TMEM232: variants seen among roughly 807,000 people sequenced by gnomAD.
TMEM232 encodes transmembrane protein 232.
A neutral mutation model predicts 78.8 loss-of-function variants in TMEM232; 80 were observed. The observed-to-expected ratio is 1.01, with a 90% CI of 0.85 to 1.22. TMEM232 has a LOEUF of 1.22. Among genes scored for constraint, TMEM232 ranks in the 50% most tolerant of loss-of-function variants. The pLI, the probability that TMEM232 is intolerant of heterozygous loss-of-function variation, is 0.00. For missense variants in TMEM232, 881 were observed against 742.2 expected, an observed-to-expected ratio of 1.19 and a Z score of -2.17; for synonymous variants, 297 against 254.3, an observed-to-expected ratio of 1.17 and a Z score of -1.60.
At chr5:110,602,483 TATGAACAGACACTA>T (rs1781038365) in intron 10 of TMEM232, among the ~76,000 whole-genome samples, 1 of 151,398 alleles carries the variant, frequency 6.6e-6, no homozygotes, top group East Asian at 1.9e-4. Context: ...GGGCAAAGGA[TATGAACAGACACTA>T]TTTAAAAGAA....
intron 7 of TMEM232, among the ~76,000 whole-genome samples, chr5:110,622,595 T>C (rs1783890085): frequency 6.6e-6 from 1 of 152,140 alleles, no homozygotes; most frequent in South Asian, 2.1e-4. Context: ...CTATCATTGT[T>C]GGACATTTGG....
intron 1 of TMEM232, among the ~76,000 whole-genome samples, chr5:110,690,416 A>G (rs1793973607): frequency 6.6e-6 from 1 of 152,228 alleles, no homozygotes. Context: ...AATCAAAACC[A>G]CAATGAGATA....
intron 1 of TMEM232, chr5:110,720,457 C>A (rs1348253129): frequency 6.6e-6 from 1 of 151,986 alleles, no homozygotes; most frequent in Non-Finnish European, 1.5e-5. Context: ...ATACAGTAAC[C>A]CTTGATTGGA....
intron 2 of TMEM232, among the ~76,000 whole-genome samples, chr5:110,399,994 C>T (rs1038003512): frequency 1.3e-5 from 2 of 152,146 alleles, no homozygotes; most frequent in African/African-American, 4.8e-5. Flanking sequence ...TGGAAGCACA[C>T]ACAGAAAGCA....
At chr5:110,568,922 T>G (rs1435272722) in intron 10 of TMEM232, among the ~76,000 whole-genome samples, 1 of 151,824 alleles carries the variant, frequency 6.6e-6, no homozygotes, top group Non-Finnish European at 1.5e-5. Context: ...CAAAATAAAT[T>G]CTTAGAATTC....
intron 12 of TMEM232, among the ~76,000 whole-genome samples, chr5:110,514,169 T>C (rs1200568390): frequency 6.6e-6 from 1 of 152,144 alleles, no homozygotes; most frequent in African/African-American, 2.4e-5. Context: ...TCATACTATG[T>C]CTTATCACCA....
intron 12 of TMEM232, among the ~76,000 whole-genome samples, chr5:110,491,068 T>A (rs1393218352): frequency 2.0e-5 from 3 of 152,072 alleles, no homozygotes; most frequent in Non-Finnish European, 4.4e-5. Flanking sequence ...TATTTGCAAA[T>A]CATATATCTG....
At chr5:110,474,578 G>C (rs1208935795) in intron 12 of TMEM232, among the ~76,000 whole-genome samples, 1 of 151,674 alleles carries the variant, frequency 6.6e-6, no homozygotes, top group East Asian at 1.9e-4. Context: ...GGAAAGGCAA[G>C]GACATAAAAG....
chr5:110,622,179 T>C (rs1783835517), intron 7 of TMEM232, among the ~76,000 whole-genome samples: 1 of 152,174 alleles, frequency 6.6e-6, no homozygotes, highest in South Asian at 2.1e-4. Flanking sequence ...ATTCTAATAA[T>C]TCCTAGTAAC....
At position 110,691,307 on chromosome 5, in the gene TMEM232, C is replaced by T. The variant is rs116015521; in HGVS notation, c.-12-23943G>A. On this transcript the variant is annotated intron_variant, in intron 1 of 13. Transcript: ENST00000455884. ...GAGCTGATACTGAAATTATAAATCC[C>T]TGTTCTGGCATACTTAGTTAAATAT... Among the ~76,000 whole-genome samples the T allele has an allele frequency of 8.5e-3, 1,289 of 152,216 alleles. 15 individuals carry two copies. The highest frequency in any genetic ancestry group is 0.029 in the African/African-American group (1,216 of 41,534).
At chr5:110,544,130 T>C (rs1386432750) in intron 11 of TMEM232, among the ~76,000 whole-genome samples, 1 of 152,196 alleles carries the variant, frequency 6.6e-6, no homozygotes. Context: ...TTTTTAGTGA[T>C]GCCTATGAAG....
At chr5:110,402,868 A>G (rs1448651043) in intron 2 of TMEM232, among the ~76,000 whole-genome samples, 2 of 152,042 alleles carry the variant, frequency 1.3e-5, no homozygotes, top group Non-Finnish European at 2.9e-5. Context: ...TCTTTAAAAG[A>G]AAATCCAGAT....
At chr5:110,425,957 G>C (rs1191288579) in intron 12 of TMEM232, among the ~76,000 whole-genome samples, 1 of 152,078 alleles carries the variant, frequency 6.6e-6, no homozygotes, top group Non-Finnish European at 1.5e-5. Context: ...CTGTGCATTT[G>C]TTAAAGTGGT....
At chr5:110,400,406 C>G (rs1221433110) in intron 2 of TMEM232, among the ~76,000 whole-genome samples, 1 of 151,926 alleles carries the variant, frequency 6.6e-6, no homozygotes, top group African/African-American at 2.4e-5. Flanking sequence ...ATTATTTGCT[C>G]AAATAATGAA....
Position 110,420,622 on chromosome 5 carries a change from T to C in TMEM232, c.1932A>G (p.Gln644=), listed in dbSNP as rs1338422511. ...TATAAGGAAGTTCATAGGGCTTGGT[T>C]TGCTTATGTAGTTTCTCTTCTCTTT... ...MKKREEKLHK[Q]TKPYELPYRK... Residue 644 remains glutamine (Q), a synonymous_variant, in exon 14 of 14, where the codon CAA becomes CAG. Coordinates refer to ENST00000455884, the MANE Select transcript of TMEM232 (RefSeq NM_001039763.4). 1 of 1,509,338 alleles carries C rather than the reference T, an allele frequency of 6.6e-7. No individual in the cohort carries two copies. The allele number at this position is 1,509,338 out of a possible 1,614,324, so 93.5% of individuals were successfully genotyped here. A position where few individuals can be genotyped will look rare whatever the true frequency, so the allele number is the denominator to read the frequency against.
At chr5:110,620,129 C>T (rs926941169) in intron 7 of TMEM232, among the ~76,000 whole-genome samples, 2 of 152,110 alleles carry the variant, frequency 1.3e-5, no homozygotes, top group Admixed American at 6.5e-5. Flanking sequence ...ATTTAGACAA[C>T]GAACAAGATT....
chr5:110,642,686 T>C (rs1429355559), intron 2 of TMEM232, among the ~76,000 whole-genome samples: 1 of 152,084 alleles, frequency 6.6e-6, no homozygotes, highest in Non-Finnish European at 1.5e-5. Context: ...CGGCTTCAAT[T>C]ATGTTGAAGG....
At chr5:110,623,211 T>C (rs1445599272) in intron 7 of TMEM232, among the ~76,000 whole-genome samples, 1 of 152,092 alleles carries the variant, frequency 6.6e-6, no homozygotes, top group African/African-American at 2.4e-5. Context: ...GGAAATTTCC[T>C]ATTCTTAAGT....
At chr5:110,588,689 G>C (rs1779142747) in intron 10 of TMEM232, among the ~76,000 whole-genome samples, 1 of 152,142 alleles carries the variant, frequency 6.6e-6, no homozygotes, top group Admixed American at 6.6e-5. Context: ...TTTCATTGTA[G>C]TGTAAGGACA....
Sources: gnomAD v4.1 joint callset for allele counts (sites outside exome capture counted in the v4.1 genomes callset) on GRCh38, gnomAD v4.1.1 for gene constraint, MANE v1.5 for transcripts, NCBI Gene and HGNC (gene_info 2026-07-23, HGNC 2026-07-21) for gene names.